TRAPPC9: variants seen among roughly 807,000 people sequenced by gnomAD.
TRAPPC9 encodes the protein trafficking protein particle complex subunit 9.
A neutral mutation model predicts 124.0 loss-of-function variants in TRAPPC9; 83 were observed. That is an observed-to-expected ratio of 0.67 (90% CI 0.56 to 0.80). TRAPPC9 has a LOEUF of 0.80. Ranked by LOEUF, TRAPPC9 falls within the 30% of genes least tolerant of loss-of-function variation. TRAPPC9 has a pLI of 0.00. For synonymous variants in TRAPPC9, 638 were observed against 617.5 expected, an observed-to-expected ratio of 1.03 and a Z score of -0.49; for missense variants, 1,302 against 1,508.3, an observed-to-expected ratio of 0.86 and a Z score of 2.27.
At chr8:140,364,540 G>T (rs2068053465) in intron 8 of TRAPPC9, among the ~76,000 whole-genome samples, 1 of 152,004 alleles carries the variant, frequency 6.6e-6, no homozygotes, top group Non-Finnish European at 1.5e-5. Context: ...ACTCTCCCGT[G>T]CTAAGACTCT....
At chr8:140,130,266 T>C (rs2061182537) in intron 17 of TRAPPC9, among the ~76,000 whole-genome samples, 1 of 152,170 alleles carries the variant, frequency 6.6e-6, no homozygotes, top group Non-Finnish European at 1.5e-5. Flanking sequence ...TTTACATCAC[T>C]TTACAGCACC....
intron 18 of TRAPPC9, among the ~76,000 whole-genome samples, chr8:140,010,712 C>G (rs6578056): frequency 6.6e-6 from 1 of 152,044 alleles, no homozygotes; most frequent in African/African-American, 2.4e-5. Flanking sequence ...TAGGGAGAAA[C>G]GAACAGTCTC....
At position 140,257,067 on chromosome 8, in the gene TRAPPC9, T is replaced by C. The variant is rs187953684; in HGVS notation, c.2279-4138A>G. 6.6e-6 allele frequency among the ~76,000 whole-genome samples: 1 copy of C among 152,298 alleles called. No individual in the cohort carries two copies. The highest frequency in any genetic ancestry group is 6.5e-5 in the Admixed American group (1 of 15,300). ...TGTGCCAGGCACTGTCTGAAGTTCA[T>C]ATGCTAAGGCCAGAGGAGGCATGAG... is the stretch of plus-strand genomic sequence containing the variant. On this transcript the variant is annotated intron_variant, in intron 15 of 22. Coordinates refer to ENST00000438773, the MANE Select transcript of TRAPPC9 (RefSeq NM_001160372.4). The surrounding 1 kb of genome is among the most constrained non-coding windows in gnomAD (Gnocchi z 4.6).
Position 140,382,257 on chromosome 8 carries a change from G to A in TRAPPC9, c.1135-11077C>T, listed in dbSNP as rs1244147044. Among the ~76,000 whole-genome samples, 5 of 152,172 alleles carry A rather than the reference G, an allele frequency of 3.3e-5. No individual in the cohort carries two copies. In the East Asian group the frequency reaches 5.8e-4, roughly 18 times the overall value. ...TTTCTGCATTTCCAACTGAGGTACCGGGTTCATTTCACTGGGGCTTGTTGG... is the reference window on the plus strand; with the variant it reads ...TTTCTGCATTTCCAACTGAGGTACCAGGTTCATTTCACTGGGGCTTGTTGG... On this transcript the variant is annotated intron_variant, in intron 7 of 22. Transcript: ENST00000438773.
intron 17 of TRAPPC9, among the ~76,000 whole-genome samples, chr8:140,116,235 T>A (rs1011861446): frequency 6.6e-6 from 1 of 152,166 alleles, no homozygotes; most frequent in Non-Finnish European, 1.5e-5. Flanking sequence ...TAGGGTGAGA[T>A]GTGATCGTAC....
chr8:139,732,188 C>T lies in TRAPPC9; in HGVS notation c.3070G>A (p.Gly1024Arg), dbSNP rs1817880105. The T allele has an allele frequency of 8.8e-6, 14 of 1,591,798 alleles. No individual in the cohort carries two copies. In the East Asian group the frequency reaches 9.0e-5, roughly 10 times the overall value. Residue 1024 changes from glycine (G) to arginine (R), a missense_variant, in exon 22 of 23, where the codon GGA becomes AGA. By Grantham distance (125) the Gly-to-Arg change is moderately radical. Coordinates refer to ENST00000438773, the MANE Select transcript of TRAPPC9 (RefSeq NM_001160372.4). ...APLQWDVLVD[G>R]QPCDREAVAA... ...ACAGCCTCGCGGTCACATGGCTGTC[C>T]GTCCACCAGCACATCTGTAAGGGAC... is the stretch of plus-strand genomic sequence containing the variant.
intron 21 of TRAPPC9, among the ~76,000 whole-genome samples, chr8:139,754,511 C>T (rs574033809): frequency 6.6e-6 from 1 of 152,200 alleles, no homozygotes; most frequent in South Asian, 2.1e-4. Flanking sequence ...AGATCACAGA[C>T]CCTTCCTGGG....
At chr8:140,000,773 C>T (rs1838337431) in intron 18 of TRAPPC9, among the ~76,000 whole-genome samples, 1 of 149,246 alleles carries the variant, frequency 6.7e-6, no homozygotes, top group Non-Finnish European at 1.5e-5. Flanking sequence ...AATGCTTTTA[C>T]ACTGTTGGTG....
At chr8:139,804,705 C>A (rs1179775960) in intron 21 of TRAPPC9, among the ~76,000 whole-genome samples, 3 of 146,452 alleles carry the variant, frequency 2.0e-5, no homozygotes, top group Non-Finnish European at 4.5e-5. Context: ...CACCCACCAC[C>A]ACCACCCACC....
At chr8:140,397,945 T>A (rs568983930) in intron 6 of TRAPPC9, among the ~76,000 whole-genome samples, 200 bp from the exon 7 acceptor site, 12 of 152,322 alleles carry the variant, frequency 7.9e-5, no homozygotes, top group African/African-American at 2.6e-4. Context: ...ATTCCCACAT[T>A]GTAGGAGGGA....
At chr8:140,289,697 G>T (rs1043687031) in intron 12 of TRAPPC9, among the ~76,000 whole-genome samples, 1 of 151,030 alleles carries the variant, frequency 6.6e-6, no homozygotes, top group Non-Finnish European at 1.5e-5. Flanking sequence ...AAAAAAAAAT[G>T]TGTAAGAAAG....
chr8:140,174,291 T>C (rs2062020142), intron 17 of TRAPPC9, among the ~76,000 whole-genome samples: 2 of 151,878 alleles, frequency 1.3e-5, no homozygotes, highest in African/African-American at 2.4e-5. Context: ...AATACCTGGC[T>C]GATGAAATAA....
intron 9 of TRAPPC9, among the ~76,000 whole-genome samples, chr8:140,346,206 G>A (rs1208916514): frequency 6.6e-6 from 1 of 152,210 alleles, no homozygotes; most frequent in Non-Finnish European, 1.5e-5. Context: ...GCTGGGGAGG[G>A]TGAGGGTGTG....
chr8:139,802,637 A>G (rs1032394632), intron 21 of TRAPPC9, among the ~76,000 whole-genome samples: 1 of 152,264 alleles, frequency 6.6e-6, no homozygotes, highest in African/African-American at 2.4e-5. Flanking sequence ...ATGTTAGTCC[A>G]GTAGTGCAAA....
intron 9 of TRAPPC9, among the ~76,000 whole-genome samples, chr8:140,334,931 T>C (rs1306620081): frequency 6.6e-6 from 1 of 152,034 alleles, no homozygotes; most frequent in East Asian, 1.9e-4. Context: ...GAACAGAGCA[T>C]GCTACAATAG....
chr8:140,351,915 T>G lies in TRAPPC9; in HGVS notation c.1495+8135A>C, dbSNP rs566489484. Among the ~76,000 whole-genome samples the G allele has an allele frequency of 2.6e-5, 4 of 152,264 alleles. No homozygotes were observed. The East Asian group carries it at 7.7e-4, about 29-fold the overall frequency. On this transcript the variant is annotated intron_variant, in intron 9 of 22. Transcript: ENST00000438773. ...ACATAGCAGTTGGCCCATTAAAAGG[T>G]GCAATTCAATGGTTTTGAGGATATC... is the stretch of plus-strand genomic sequence containing the variant.
At chr8:140,351,976 G>A (rs549104705) in intron 9 of TRAPPC9, among the ~76,000 whole-genome samples, 1 of 152,238 alleles carries the variant, frequency 6.6e-6, no homozygotes, top group East Asian at 1.9e-4. Context: ...ATGTACTATT[G>A]GAATACCTTC....
chr8:139,905,310 G>A (rs1831286256), intron 20 of TRAPPC9, among the ~76,000 whole-genome samples: 1 of 152,208 alleles, frequency 6.6e-6, no homozygotes, highest in African/African-American at 2.4e-5. Flanking sequence ...CCTAGGAAAT[G>A]TGGAAGAAAG....
chr8:140,013,646 C>T (rs1839275055), intron 18 of TRAPPC9, among the ~76,000 whole-genome samples: 1 of 152,226 alleles, frequency 6.6e-6, no homozygotes, highest in Admixed American at 6.5e-5. Context: ...CTGGAGCCAG[C>T]TGCTGCAAAG....
Sources: allele counts gnomAD v4.1 joint callset (sites outside exome capture counted in the v4.1 genomes callset), GRCh38; gene constraint gnomAD v4.1.1; non-coding constraint Gnocchi (gnomAD v3.1); transcripts MANE v1.5; gene names NCBI Gene and HGNC (gene_info 2026-07-23, HGNC 2026-07-21).